The following STK3 variants were observed in gnomAD, a reference collection of about 807,000 sequenced individuals.
STK3 encodes serine/threonine kinase 3.
Under a neutral mutation model 58.0 loss-of-function variants are expected in STK3, and 41 were observed. The ratio of observed to expected loss-of-function variants is 0.71; its 90% CI spans 0.55 to 0.92. STK3 has a LOEUF of 0.92. STK3 is among the 40% of genes least tolerant of loss of function. The pLI, the probability that STK3 is intolerant of heterozygous loss-of-function variation, is 0.00. For missense variants in STK3, 479 were observed against 602.7 expected (o/e 0.79, Z 2.15); for synonymous variants, 170 against 191.0 (o/e 0.89, Z 0.91).
intron 6 of STK3, among the ~76,000 whole-genome samples, chr8:98,691,994 G>T (rs1350021550): frequency 6.6e-6 from 1 of 151,276 alleles, no homozygotes; most frequent in Non-Finnish European, 1.5e-5. Flanking sequence ...ATACATAATG[G>T]ATAATGGACA....
chr8:98,552,893 C>T (rs1203310354), intron 8 of STK3, among the ~76,000 whole-genome samples: 2 of 152,104 alleles, frequency 1.3e-5, no homozygotes, highest in African/African-American at 4.8e-5. Flanking sequence ...TCAAGTAGTA[C>T]ACCAGACATT....
chr8:98,696,664 G>A lies in STK3; in HGVS notation c.684+9803C>T, dbSNP rs549739713. On this transcript the variant is annotated intron_variant, in intron 6 of 10. Transcript: ENST00000419617. ...GTTTACATGCTGGATTACATTTATTGATTTGCATATATTGAACCAGTCTTG... is the reference window on the plus strand; with the variant it reads ...GTTTACATGCTGGATTACATTTATTAATTTGCATATATTGAACCAGTCTTG... Among the ~76,000 whole-genome samples, 3 of 152,260 alleles carry A rather than the reference G, an allele frequency of 2.0e-5. No homozygotes were observed. In the East Asian group the frequency reaches 5.8e-4, roughly 29 times the overall value.
intron 1 of STK3, among the ~76,000 whole-genome samples, chr8:98,785,318 C>A (rs773453930): frequency 3.3e-5 from 5 of 152,190 alleles, no homozygotes; most frequent in African/African-American, 1.2e-4. Context: ...CACTTCATAT[C>A]CAGGCAGATG....
At chr8:98,783,211 T>C (rs1039444926) in intron 1 of STK3, among the ~76,000 whole-genome samples, 3 of 152,274 alleles carry the variant, frequency 2.0e-5, no homozygotes, top group African/African-American at 4.8e-5. Context: ...AAAATGTTTG[T>C]TTTCCCAGGA....
At chr8:98,408,179 G>T (rs911969652) in intron 3 of STK3, among the ~76,000 whole-genome samples, 6 of 152,154 alleles carry the variant, frequency 3.9e-5, no homozygotes, top group Non-Finnish European at 7.3e-5. Context: ...TTGGAAAAAG[G>T]GGGTAGTTTG....
intron 6 of STK3, among the ~76,000 whole-genome samples, chr8:98,656,319 A>T (rs992634012): frequency 1.3e-5 from 2 of 148,318 alleles, no homozygotes; most frequent in Non-Finnish European, 3.0e-5. Context: ...GGAACATCAC[A>T]CTCTGGGGAC....
At chr8:98,652,074 G>T (rs1021765138) in intron 6 of STK3, among the ~76,000 whole-genome samples, 5 of 152,166 alleles carry the variant, frequency 3.3e-5, no homozygotes, top group African/African-American at 1.2e-4. Flanking sequence ...GTTAAGGGCA[G>T]CCAGAGAGAA....
chr8:98,615,077 G>C (rs892311114), intron 6 of STK3, among the ~76,000 whole-genome samples: 4 of 152,020 alleles, frequency 2.6e-5, no homozygotes, highest in African/African-American at 9.7e-5. Flanking sequence ...CAGCTTTGAA[G>C]AGAGCAGTGG....
downstream of STK3, chr8:98,879,823 ATAAT>A (rs1837727866): frequency 6.6e-6 from 1 of 152,248 alleles, no homozygotes; most frequent in African/African-American, 2.4e-5. Context: ...CAATAACATG[ATAAT>A]TAATATATCA....
intron 1 of STK3, among the ~76,000 whole-genome samples, chr8:98,911,181 C>T (rs572514950): frequency 2.0e-5 from 3 of 152,080 alleles, no homozygotes; most frequent in Non-Finnish European, 2.9e-5. Flanking sequence ...TCACAATGAG[C>T]GGATTGGTCG....
At chr8:98,538,691 T>C (rs1197925666) in intron 9 of STK3, among the ~76,000 whole-genome samples, 2 of 152,338 alleles carry the variant, frequency 1.3e-5, no homozygotes, top group East Asian at 3.9e-4. Flanking sequence ...ACAGGAAAGA[T>C]ATTTTCATTT....
At chr8:98,378,179 C>T (rs1044364433) in intron 2 of STK3, among the ~76,000 whole-genome samples, 11 of 152,272 alleles carry the variant, frequency 7.2e-5, no homozygotes, top group Admixed American at 1.3e-4. Flanking sequence ...ACGGGGGAAC[C>T]GAGGAACTGA....
At chr8:98,928,524 T>C (rs772786356) in intron 1 of STK3, among the ~76,000 whole-genome samples, 10 of 152,214 alleles carry the variant, frequency 6.6e-5, no homozygotes, top group African/African-American at 2.4e-4. Flanking sequence ...ACAGATTCAA[T>C]AGTTATTCCA....
chr8:98,424,108 G>A (rs1818203705), intron 3 of STK3, among the ~76,000 whole-genome samples: 2 of 152,230 alleles, frequency 1.3e-5, no homozygotes, highest in Admixed American at 1.3e-4. Context: ...TTTCTTTTCA[G>A]CACGATGACT....
chr8:98,772,901 A>G (rs948863635), intron 2 of STK3, among the ~76,000 whole-genome samples: 16 of 152,128 alleles, frequency 1.1e-4, no homozygotes, highest in African/African-American at 3.6e-4. Flanking sequence ...ATTTTTCTTT[A>G]TAAATTACCC....
rs1233197541 is a variant in STK3 at position 98,800,182 on chromosome 8, C to T, written c.26+25333G>A. Among the ~76,000 whole-genome samples the T allele has an allele frequency of 1.3e-5, 2 of 152,152 alleles. No homozygotes were observed. The highest frequency in any genetic ancestry group is 2.9e-5 in the Non-Finnish European group (2 of 68,032). On this transcript the variant is annotated intron_variant, in intron 1 of 10. Transcript: ENST00000419617. The surrounding 1 kb of genome is among the most constrained non-coding windows in gnomAD (Gnocchi z 4.8). ...TGTTTTGTTTCCTCTAGAATTGAGGCCACCAAGCTACAGATGGTCTTACAA... is the reference window on the plus strand; with the variant it reads ...TGTTTTGTTTCCTCTAGAATTGAGGTCACCAAGCTACAGATGGTCTTACAA...
intron 6 of STK3, among the ~76,000 whole-genome samples, chr8:98,607,120 T>C (rs1244048877): frequency 3.1e-4 from 47 of 152,236 alleles, no homozygotes; most frequent in Non-Finnish European, 1.5e-5. Context: ...CAAATGTATT[T>C]TCACTGTTTT....
At chr8:98,424,625 T>TC (rs1818208067) in intron 3 of STK3, among the ~76,000 whole-genome samples, 2 of 151,866 alleles carry the variant, frequency 1.3e-5, no homozygotes, top group African/African-American at 4.8e-5. Flanking sequence ...GGGTGAAATC[T>TC]CCCACGACCA....
intron 8 of STK3, among the ~76,000 whole-genome samples, chr8:98,571,362 C>G (rs886216683): frequency 1.3e-5 from 2 of 151,898 alleles, no homozygotes; most frequent in Non-Finnish European, 2.9e-5. Flanking sequence ...TTTTGAAGGT[C>G]CCTATTGAAC....
Sources: allele counts gnomAD v4.1 joint callset (sites outside exome capture counted in the v4.1 genomes callset), GRCh38; gene constraint gnomAD v4.1.1; non-coding constraint Gnocchi (gnomAD v3.1); transcripts MANE v1.5; gene names NCBI Gene and HGNC (gene_info 2026-07-23, HGNC 2026-07-21).